Variants in PCDHGB6 observed in about 807,000 individuals in gnomAD.
PCDHGB6 encodes protocadherin gamma subfamily B, 6, also known as protocadherin gamma-B6.
In PCDHGB6, 51 loss-of-function variants were observed where a neutral mutation model predicts 59.1. That is an observed-to-expected ratio of 0.86 (90% CI 0.69 to 1.09). PCDHGB6 has a LOEUF of 1.09. PCDHGB6 is among the 50% of genes least tolerant of loss of function. The pLI, the probability that PCDHGB6 is intolerant of heterozygous loss-of-function variation, is 0.00. For missense variants in PCDHGB6, 1,148 were observed against 1,205.1 expected (o/e 0.95, Z 0.70); for synonymous variants, 466 against 495.1 (o/e 0.94, Z 0.78).
rs1486554010 is a variant in PCDHGB6 at position 141,431,630 on chromosome 5, G to C, written c.2418+21010G>C. Reference sequence around the variant, plus strand: ...GTATGTGGACGACAAGGCGGCCCAAGTTTTCAAACTAGATTGTAATTCAGG... The same window carrying C: ...GTATGTGGACGACAAGGCGGCCCAACTTTTCAAACTAGATTGTAATTCAGG... On this transcript the variant is annotated intron_variant, in intron 1 of 3. Transcript: ENST00000520790. This position sits in a 1 kb window ranked among gnomAD's most constrained non-coding sequence, Gnocchi z 4.8. 6.2e-7 allele frequency: 1 copy of C among 1,614,250 alleles called. No individual in the cohort carries two copies. Among genetic ancestry groups the C allele is most frequent in the East Asian group, 2.2e-5 (1 of 44,882 alleles).
rs1255326344 is a variant in PCDHGB6, at chr5:141,431,636, A to G, written c.2418+21016A>G. 6.2e-7 allele frequency: 1 copy of G among 1,614,254 alleles called. No homozygotes were observed. ...GGACGACAAGGCGGCCCAAGTTTTC[A>G]AACTAGATTGTAATTCAGGGACAAT... On this transcript the variant is annotated intron_variant, in intron 1 of 3. Transcript: ENST00000520790. This position sits in a 1 kb window ranked among gnomAD's most constrained non-coding sequence, Gnocchi z 4.8.
At chr5:141,446,061 AG>A (rs903957950) in intron 1 of PCDHGB6, among the ~76,000 whole-genome samples, 3 of 152,226 alleles carry the variant, frequency 2.0e-5, no homozygotes, top group African/African-American at 7.2e-5. Context: ...CTTGGATTAA[AG>A]GGGAGGCAGT....
intron 1 of PCDHGB6, chr5:141,422,314 C>T: frequency 6.5e-7 from 1 of 1,547,838 alleles, no homozygotes; most frequent in Non-Finnish European, 8.7e-7. Context: ...AAACTCTCCT[C>T]CAGGTACAGT....
At chr5:141,492,244 C>T (rs1334647731) in intron 1 of PCDHGB6, among the ~76,000 whole-genome samples, 1 of 152,198 alleles carries the variant, frequency 6.6e-6, no homozygotes, top group Admixed American at 6.5e-5. Flanking sequence ...TGGCCACCCC[C>T]ACGGCCCACA....
chr5:141,492,079 G>C (rs1400390407), intron 1 of PCDHGB6: 3 of 486,286 alleles, frequency 6.2e-6, no homozygotes, highest in South Asian at 4.1e-5. Flanking sequence ...CGCCGGCTCC[G>C]GCACGCTTCG....
chr5:141,489,990 A>G lies in PCDHGB6; in HGVS notation c.2419-4817A>G. ...TCCAATCCTCAGTTCTACGTGTGGG[A>G]ATCCCAGAGAATGCACCCATTGGTA... is the stretch of plus-strand genomic sequence containing the variant. On this transcript the variant is annotated intron_variant, in intron 1 of 3. Transcript: ENST00000520790. This position sits in a 1 kb window ranked among gnomAD's most constrained non-coding sequence, Gnocchi z 4.5. 6.2e-7 allele frequency: 1 copy of G among 1,614,256 alleles called. No individual in the cohort carries two copies. Among genetic ancestry groups the G allele is most frequent in the Non-Finnish European group, 8.5e-7 (1 of 1,180,030 alleles).
Position 141,486,054 on chromosome 5 carries a change from G to T in PCDHGB6, c.2419-8753G>T. The T allele has an allele frequency of 1.2e-6, 2 of 1,614,124 alleles. No homozygotes were observed. Among genetic ancestry groups the T allele is most frequent in the South Asian group, 1.1e-5 (1 of 91,072 alleles). On this transcript the variant is annotated intron_variant, in intron 1 of 3. Transcript: ENST00000520790. The surrounding 1 kb of genome is among the most constrained non-coding windows in gnomAD (Gnocchi z 5.0). The stretch of plus-strand genomic sequence containing the variant: ...CCTGATCGTGTAAGAAACCTCTTTA[G>T]CCTGCACCCCACTACTGGAAAGCTT...
chr5:141,415,866 T>A, intron 1 of PCDHGB6: 1 of 1,115,266 alleles, frequency 9.0e-7, no homozygotes, highest in Non-Finnish European at 1.2e-6. Context: ...GTTTATAGTG[T>A]TGTTGAGTAC....
chr5:141,418,247 G>T, intron 1 of PCDHGB6: 1 of 1,614,032 alleles, frequency 6.2e-7, no homozygotes, highest in Non-Finnish European at 8.5e-7. Context: ...TAATGACCAC[G>T]CCCCTCAATT....
chr5:141,427,381 T>G (rs1315804574), intron 1 of PCDHGB6: 1 of 458,822 alleles, frequency 2.2e-6, no homozygotes, highest in Middle Eastern at 3.2e-4. Context: ...GTGATCACTC[T>G]GTTCAAAACA....
chr5:141,423,749 T>TG, intron 1 of PCDHGB6: 2 of 272,262 alleles, frequency 7.3e-6, no homozygotes, highest in Non-Finnish European at 4.7e-6. Flanking sequence ...TGAAAACTGT[T>TG]TGGGGGGGGG....
At chr5:141,445,178 A>G (rs768321514) in intron 1 of PCDHGB6, among the ~76,000 whole-genome samples, 2 of 152,218 alleles carry the variant, frequency 1.3e-5, no homozygotes, top group Admixed American at 1.3e-4. Context: ...ATGAAAAACT[A>G]TGTTTTTATG....
intron 1 of PCDHGB6, chr5:141,468,632 C>G (rs1385644482): frequency 6.6e-6 from 1 of 151,628 alleles, no homozygotes; most frequent in Non-Finnish European, 1.5e-5. Context: ...TTTGGGAGGC[C>G]GAGGTGGGCG....
chr5:141,433,140 C>T (rs1394486228), intron 1 of PCDHGB6: 4 of 1,613,948 alleles, frequency 2.5e-6, no homozygotes, highest in African/African-American at 1.3e-5. Flanking sequence ...CTTTTGCTGT[C>T]AGGTGATTCG....
In PCDHGB6 at chr5:141,415,516, G is replaced by T. The variant is rs199990575; in HGVS notation, c.2418+4896G>T. The T allele has an allele frequency of 1.9e-6, 3 of 1,614,220 alleles. No individual in the cohort carries two copies. In the African/African-American group the frequency reaches 4.0e-5, roughly 22 times the overall value. ...GATCTTCCCCCAGCCCAATTATGCG[G>T]ACACGCTCATCAGCCAGGAGAGCTG... On this transcript the variant is annotated intron_variant, in intron 1 of 3. Coordinates refer to ENST00000520790, the MANE Select transcript of PCDHGB6 (RefSeq NM_018926.3).
At position 141,489,748 on chromosome 5, in the gene PCDHGB6, T is replaced by C. The variant is rs763688648; in HGVS notation, c.2419-5059T>C. On this transcript the variant is annotated intron_variant, in intron 1 of 3. Transcript: ENST00000520790. The surrounding 1 kb of genome is among the most constrained non-coding windows in gnomAD (Gnocchi z 4.5). ...TGTGGGCACCAATACTGTGAGCTTT[T>C]ACACTCTAAGCCCCAACAGCCACTT... is the stretch of plus-strand genomic sequence containing the variant. The C allele has an allele frequency of 1.8e-5, 29 of 1,614,038 alleles. No homozygotes were observed. Among genetic ancestry groups the C allele is most frequent in the Non-Finnish European group, 1.6e-5 (19 of 1,180,010 alleles).
At chr5:141,479,982 C>T (rs368461965) in intron 1 of PCDHGB6, among the ~76,000 whole-genome samples, 1 of 152,192 alleles carries the variant, frequency 6.6e-6, no homozygotes, top group South Asian at 2.1e-4. Flanking sequence ...CTACCATTTA[C>T]CAACTAGGAG....
chr5:141,465,950 A>G (rs570810183), intron 1 of PCDHGB6, among the ~76,000 whole-genome samples: 2 of 152,102 alleles, frequency 1.3e-5, no homozygotes, highest in African/African-American at 4.8e-5. Flanking sequence ...GTGAAACCCC[A>G]TCTCTACTAA....
intron 1 of PCDHGB6, chr5:141,420,079 C>T (rs1362049053): frequency 6.2e-7 from 1 of 1,613,998 alleles, no homozygotes; most frequent in Non-Finnish European, 8.5e-7. Flanking sequence ...CTGTGGGTCC[C>T]CCCAACTACA....
Sources: allele counts gnomAD v4.1 joint callset (sites outside exome capture counted in the v4.1 genomes callset), GRCh38; gene constraint gnomAD v4.1.1; non-coding constraint Gnocchi (gnomAD v3.1); transcripts MANE v1.5; gene names NCBI Gene and HGNC (gene_info 2026-07-23, HGNC 2026-07-21).